LDAH: variants seen among roughly 807,000 people sequenced by gnomAD.
The protein encoded by LDAH is lipid droplet associated hydrolase, also known as lipid droplet-associated hydrolase.
In LDAH, 26 loss-of-function variants were observed where a neutral mutation model predicts 29.6. The observed-to-expected ratio is 0.88, with a 90% confidence interval of 0.64 to 1.22. LDAH has a LOEUF of 1.22. LDAH is among the 50% of genes most tolerant of loss of function. The pLI, the probability that LDAH is intolerant of heterozygous loss-of-function variation, is 0.00. For missense variants in LDAH, 344 were observed against 387.3 expected, an observed-to-expected ratio of 0.89 and a Z score of 0.94; for synonymous variants, 117 against 133.0, an observed-to-expected ratio of 0.88 and a Z score of 0.83.
intron 1 of LDAH, among the ~76,000 whole-genome samples, chr2:20,810,292 AT>A (rs942711120): frequency 1.3e-5 from 2 of 152,220 alleles, no homozygotes; most frequent in Non-Finnish European, 2.9e-5. Context: ...TGGCCTGCCA[AT>A]ATGGGCTACT....
intron 4 of LDAH, among the ~76,000 whole-genome samples, chr2:20,748,501 T>G (rs1029422092): frequency 1.3e-5 from 2 of 152,208 alleles, no homozygotes; most frequent in African/African-American, 4.8e-5. Context: ...AAAATGCTGT[T>G]CTCCTCAGCT....
intron 2 of LDAH, among the ~76,000 whole-genome samples, chr2:20,796,803 CAGGCCT>C (rs1268166043): frequency 6.6e-6 from 1 of 152,138 alleles, no homozygotes; most frequent in Non-Finnish European, 1.5e-5. Context: ...TTAAGAACCA[CAGGCCT>C]AGTATCTTTT....
Position 20,749,630 on chromosome 2 carries a change from A to G in LDAH, c.469-9425T>C, listed in dbSNP as rs1354293540. ...GCGTCTAGGAAGTCAACTGGAAGGC[A>G]AAGAGTACAGCTTTCTTGTTCAATT... On this transcript the variant is annotated intron_variant, in intron 4 of 6. Coordinates refer to ENST00000237822, the MANE Select transcript of LDAH (RefSeq NM_021925.4). Among the ~76,000 whole-genome samples the G allele has an allele frequency of 4.6e-5, 7 of 152,226 alleles. 1 individual carries two copies. Among genetic ancestry groups the G allele is most frequent in the Admixed American group, 4.6e-4 (7 of 15,280 alleles).
At chr2:20,741,664 T>G (rs1475374171) in intron 4 of LDAH, among the ~76,000 whole-genome samples, 2 of 152,216 alleles carry the variant, frequency 1.3e-5, no homozygotes, top group Admixed American at 6.5e-5. Context: ...ACCACCATTC[T>G]ACTCCCCACT....
intron 4 of LDAH, among the ~76,000 whole-genome samples, chr2:20,750,541 A>G (rs1231474165): frequency 2.0e-5 from 3 of 152,202 alleles, no homozygotes; most frequent in Admixed American, 2.0e-4. Flanking sequence ...CACCTAACTC[A>G]ATGGCTCTAG....
intron 3 of LDAH, chr2:20,789,052 T>TA: frequency 7.1e-7 from 1 of 1,414,346 alleles, no homozygotes; most frequent in African/African-American, 1.4e-5. Flanking sequence ...ACATCGCTAT[T>TA]AAATCTTGCT....
At chr2:20,799,873 A>G (rs1227519417) in intron 2 of LDAH, among the ~76,000 whole-genome samples, 1 of 152,244 alleles carries the variant, frequency 6.6e-6, no homozygotes, top group African/African-American at 2.4e-5. Context: ...GTTCCAAAAA[A>G]TATGTAAAAG....
chr2:20,776,499 C>T (rs1021802567), intron 3 of LDAH, among the ~76,000 whole-genome samples: 4 of 152,184 alleles, frequency 2.6e-5, no homozygotes, highest in African/African-American at 4.8e-5. Flanking sequence ...TTTCTTGACT[C>T]AATGAGGCTT....
At chr2:20,800,501 AT>A (rs1478855721) in intron 2 of LDAH, among the ~76,000 whole-genome samples, 1 of 152,252 alleles carries the variant, frequency 6.6e-6, no homozygotes, top group Non-Finnish European at 1.5e-5. Context: ...TTTAAAATGC[AT>A]TTTGAATACC....
chr2:20,710,848 C>T (rs1411162608), intron 5 of LDAH, among the ~76,000 whole-genome samples: 3 of 151,552 alleles, frequency 2.0e-5, no homozygotes, highest in Non-Finnish European at 4.4e-5. Context: ...AATTCTAAGA[C>T]GTCTTTCAAA....
intron 5 of LDAH, among the ~76,000 whole-genome samples, chr2:20,708,261 G>A (rs1197911301): frequency 6.6e-6 from 1 of 152,172 alleles, no homozygotes; most frequent in Non-Finnish European, 1.5e-5. Context: ...TTGGGGACTG[G>A]TAACTAGAGA....
At chr2:20,758,660 A>C (rs1243637360) in intron 4 of LDAH, among the ~76,000 whole-genome samples, 1 of 152,238 alleles carries the variant, frequency 6.6e-6, no homozygotes, top group Non-Finnish European at 1.5e-5. Flanking sequence ...GACAGAGTAA[A>C]AATGACTGGG....
At chr2:20,789,630 TTAAAG>T (rs1192254698) in intron 3 of LDAH, among the ~76,000 whole-genome samples, 1 of 152,116 alleles carries the variant, frequency 6.6e-6, no homozygotes, top group Non-Finnish European at 1.5e-5. Context: ...AAAAGCTTCT[TTAAAG>T]TAAAGAACAT....
At chr2:20,800,526 G>C (rs1671586062) in intron 2 of LDAH, among the ~76,000 whole-genome samples, 1 of 152,192 alleles carries the variant, frequency 6.6e-6, no homozygotes, top group South Asian at 2.1e-4. Context: ...AATCGCTCAA[G>C]CATCTGTCCC....
At chr2:20,783,751 G>A (rs191337516) in intron 3 of LDAH, among the ~76,000 whole-genome samples, 8 of 152,136 alleles carry the variant, frequency 5.3e-5, no homozygotes, top group Admixed American at 2.6e-4. Context: ...TCACTCTGTC[G>A]CCCAGACTAG....
At position 20,686,924 on chromosome 2, in the gene LDAH, C is replaced by T. The variant is rs561920501; in HGVS notation, c.957G>A (p.Lys319=). 6.2e-7 allele frequency: 1 copy of T among 1,613,630 alleles called. No homozygotes were observed. The highest frequency in any genetic ancestry group is 1.1e-5 in the South Asian group (1 of 90,970). The part of the protein sequence containing the change: ...EMADMIADSL[K]DDLSKM ...CAATTTACATTTTGGACAAGTCATC[C>T]TTTAGGGAGTCAGCAATCATGTCTG... The change falls in exon 7 of 7, where the codon AAG becomes AAA. Residue 319 remains lysine, a synonymous_variant. Coordinates refer to ENST00000237822, the MANE Select transcript of LDAH (RefSeq NM_021925.4).
At chr2:20,723,579 G>T (rs1408461751) in intron 5 of LDAH, among the ~76,000 whole-genome samples, 1 of 151,806 alleles carries the variant, frequency 6.6e-6, no homozygotes, top group African/African-American at 2.4e-5. Context: ...TTATTTCTTG[G>T]TAATTTCCTA....
chr2:20,688,174 A>G (rs1264173611), intron 6 of LDAH, among the ~76,000 whole-genome samples: 3 of 152,214 alleles, frequency 2.0e-5, no homozygotes, highest in Admixed American at 2.0e-4. Context: ...AGACAATTTG[A>G]GAGCTCAGGT....
chr2:20,766,455 A>G (rs966218438), intron 4 of LDAH, among the ~76,000 whole-genome samples: 1 of 152,240 alleles, frequency 6.6e-6, no homozygotes, highest in African/African-American at 2.4e-5. Context: ...TATTCCAGGC[A>G]GAGGCTACTC....
Sources: gnomAD v4.1 joint callset for allele counts (sites outside exome capture counted in the v4.1 genomes callset) on GRCh38, gnomAD v4.1.1 for gene constraint, MANE v1.5 for transcripts, NCBI Gene and HGNC (gene_info 2026-07-23, HGNC 2026-07-21) for gene names.